Variants in ARHGEF3 observed in about 807,000 individuals in gnomAD.
The protein encoded by ARHGEF3 is Rho guanine nucleotide exchange factor 3.
Under a neutral mutation model 63.2 loss-of-function variants are expected in ARHGEF3, and 28 were observed. The ratio of observed to expected loss-of-function variants is 0.44; its 90% CI spans 0.33 to 0.61. The LOEUF (loss-of-function observed/expected upper bound fraction) is 0.61, where lower values mean the gene tolerates loss of function less well. Ranked by LOEUF, ARHGEF3 falls within the 20% of genes least tolerant of loss-of-function variation. ARHGEF3 has a pLI of 0.03. For synonymous variants in ARHGEF3, 266 were observed against 254.2 expected (o/e 1.05, Z -0.44); for missense variants, 533 against 659.3 (o/e 0.81, Z 2.10).
intron 4 of ARHGEF3, among the ~76,000 whole-genome samples, chr3:56,876,860 T>C (rs912849826): frequency 6.6e-6 from 1 of 152,142 alleles, no homozygotes; most frequent in Non-Finnish European, 1.5e-5. Context: ...TGTCAGGGGC[T>C]TTCCTAAAGG....
At chr3:57,072,309 A>G (rs1297625246) in intron 1 of ARHGEF3, among the ~76,000 whole-genome samples, 1 of 152,216 alleles carries the variant, frequency 6.6e-6, no homozygotes, top group Non-Finnish European at 1.5e-5. Flanking sequence ...AAGTTTGTAT[A>G]TTCTTCCCTG....
At chr3:57,010,514 G>T (rs1579080901) in intron 2 of ARHGEF3, among the ~76,000 whole-genome samples, 1 of 150,116 alleles carries the variant, frequency 6.7e-6, no homozygotes, top group African/African-American at 2.4e-5. Flanking sequence ...TCCTCTATAT[G>T]TGACAACTAT....
rs1430277430 is a variant in ARHGEF3 at position 56,727,760 on chromosome 3, A to T, written c.*1510T>A. 2.0e-5 allele frequency: 3 copies of T among 152,560 alleles called. No individual in the cohort carries two copies. The highest frequency in any genetic ancestry group is 6.5e-5 in the Admixed American group (1 of 15,274). 9.5% of individuals were successfully genotyped at this position (152,560 alleles called of 1,614,324 possible). On this transcript the variant is annotated 3_prime_UTR_variant, in exon 10 of 10. Transcript: ENST00000296315. ...ATGTTTAAGACCTATAAATACAGAA[A>T]TATGTTTTACAGGGTAAAATTGATC... is the stretch of plus-strand genomic sequence containing the variant.
chr3:56,908,110 A>G (rs1385152727), intron 3 of ARHGEF3, among the ~76,000 whole-genome samples: 4 of 152,190 alleles, frequency 2.6e-5, no homozygotes, highest in African/African-American at 9.7e-5. Flanking sequence ...ACAAAAGGAG[A>G]AAGGGCTACA....
chr3:57,064,255 GC>G (rs1009458025), intron 1 of ARHGEF3, among the ~76,000 whole-genome samples: 4 of 152,104 alleles, frequency 2.6e-5, no homozygotes, highest in African/African-American at 9.7e-5. Context: ...ACAGAGTGAG[GC>G]CCCGTCTCAA....
At chr3:56,975,312 G>C (rs1190022336) in intron 2 of ARHGEF3, among the ~76,000 whole-genome samples, 2 of 152,148 alleles carry the variant, frequency 1.3e-5, no homozygotes, top group Non-Finnish European at 2.9e-5. Flanking sequence ...CAGCTACTCG[G>C]GAGGCTGAGG....
At chr3:56,729,920 A>G (rs1265423714) in intron 9 of ARHGEF3, among the ~76,000 whole-genome samples, 1 of 152,196 alleles carries the variant, frequency 6.6e-6, no homozygotes, top group Non-Finnish European at 1.5e-5. Flanking sequence ...TGGTGACCCA[A>G]TCTGGCTGCA....
In ARHGEF3 at chr3:56,791,518, C is replaced by T. The variant is rs78079773; in HGVS notation, c.96+10185G>A. Among the ~76,000 whole-genome samples, 692 of 152,318 alleles carry T rather than the reference C, an allele frequency of 4.5e-3. 4 individuals carry two copies. Among genetic ancestry groups the T allele is most frequent in the African/African-American group, 0.016 (652 of 41,560 alleles). ...ATCTATCCATTCCTTGTGGGCTTTT[C>T]GTTTTAACAGTGATCTCACATCAAA... On this transcript the variant is annotated intron_variant, in intron 1 of 9. Coordinates refer to ENST00000296315, the MANE Select transcript of ARHGEF3 (RefSeq NM_019555.3).
At chr3:56,946,171 A>T (rs1351049035) in intron 3 of ARHGEF3, among the ~76,000 whole-genome samples, 1 of 152,148 alleles carries the variant, frequency 6.6e-6, no homozygotes, top group East Asian at 1.9e-4. Flanking sequence ...AACCACAAAG[A>T]TGGGGAAAAA....
chr3:56,912,997 G>T (rs929426568), intron 3 of ARHGEF3, among the ~76,000 whole-genome samples: 10 of 152,008 alleles, frequency 6.6e-5, no homozygotes, highest in Non-Finnish European at 1.3e-4. Context: ...AAATTAGCTG[G>T]GTATGGTGGT....
chr3:57,015,405 A>G (rs1261627666), intron 2 of ARHGEF3, among the ~76,000 whole-genome samples: 1 of 152,124 alleles, frequency 6.6e-6, no homozygotes, highest in Non-Finnish European at 1.5e-5. Context: ...AGAAAGGTGT[A>G]TGTGCTCTTA....
chr3:57,059,485 C>A (rs887442344), intron 1 of ARHGEF3, among the ~76,000 whole-genome samples: 3 of 124,144 alleles, frequency 2.4e-5, no homozygotes, highest in African/African-American at 9.2e-5. Context: ...GGAGTCTGTT[C>A]TTCCCCGTGT....
At chr3:56,827,127 AATCACT>A (rs2038746468) in intron 4 of ARHGEF3, among the ~76,000 whole-genome samples, 1 of 152,182 alleles carries the variant, frequency 6.6e-6, no homozygotes, top group Admixed American at 6.5e-5. Context: ...AAAAAGATAA[AATCACT>A]TTAAACACTT....
At chr3:56,903,087 C>G (rs2108314303) in intron 3 of ARHGEF3, among the ~76,000 whole-genome samples, 1 of 143,316 alleles carries the variant, frequency 7.0e-6, no homozygotes, top group African/African-American at 2.6e-5. Flanking sequence ...CACACACACA[C>G]ACAGAGAGAG....
intron 7 of ARHGEF3, 125 bp downstream of exon 7, chr3:56,745,080 G>T: frequency 1.6e-6 from 2 of 1,251,484 alleles, no homozygotes; most frequent in South Asian, 1.5e-5. Context: ...GGCAGTGCCA[G>T]GCCTGGAACC....
At chr3:56,816,688 A>G (rs963153909) in intron 4 of ARHGEF3, among the ~76,000 whole-genome samples, 6 of 152,216 alleles carry the variant, frequency 3.9e-5, no homozygotes, top group Non-Finnish European at 7.3e-5. Context: ...GAGTACTTCT[A>G]TAGTAGGAGA....
chr3:57,065,115 T>C (rs1405896813), intron 1 of ARHGEF3, among the ~76,000 whole-genome samples: 2 of 152,208 alleles, frequency 1.3e-5, no homozygotes, highest in African/African-American at 2.4e-5. Context: ...GCATGTTTAT[T>C]TGCTGATGGG....
intron 3 of ARHGEF3, among the ~76,000 whole-genome samples, chr3:56,886,587 C>CA (rs1296791379): frequency 1.3e-5 from 2 of 152,172 alleles, no homozygotes; most frequent in Non-Finnish European, 2.9e-5. Flanking sequence ...TCTCAGAAAG[C>CA]AGAGAGTGCA....
Position 56,794,485 on chromosome 3 carries a change from T to C in ARHGEF3, c.96+7218A>G, listed in dbSNP as rs1374556694. Among the ~76,000 whole-genome samples, 80 of 69,454 alleles carry C rather than the reference T, an allele frequency of 1.2e-3. 1 individual carries two copies. The highest frequency in any genetic ancestry group is 7.0e-3 in the African/African-American group (76 of 10,874). The allele number at this position is 69,454 out of a possible 152,430, so 45.6% of individuals were successfully genotyped here. A position where few individuals can be genotyped will look rare whatever the true frequency, so the allele number is the denominator to read the frequency against. ...CCTGGGCAATAAGAGCGAGACTCTA[T>C]CTCAAAAAAAAAAAAAAAAAAAAAA... is the stretch of plus-strand genomic sequence containing the variant. On this transcript the variant is annotated intron_variant, in intron 1 of 9. Transcript: ENST00000296315.
Sources: gnomAD v4.1 joint callset for allele counts (sites outside exome capture counted in the v4.1 genomes callset) on GRCh38, gnomAD v4.1.1 for gene constraint, MANE v1.5 for transcripts, NCBI Gene and HGNC (gene_info 2026-07-23, HGNC 2026-07-21) for gene names.